The following NFATC1 variants were observed in gnomAD, a reference collection of about 807,000 sequenced individuals.
NFATC1 encodes nuclear factor of activated T-cells, cytoplasmic 1.
A neutral mutation model predicts 76.0 loss-of-function variants in NFATC1; 22 were observed. The ratio of observed to expected loss-of-function variants is 0.29; its 90% CI spans 0.21 to 0.41. NFATC1 has a LOEUF of 0.41. NFATC1 is among the 10% of genes least tolerant of loss of function. The pLI, the probability that NFATC1 is intolerant of heterozygous loss-of-function variation, is 1.00. For synonymous variants in NFATC1, 704 were observed against 613.1 expected (o/e 1.15, Z -2.19); for missense variants, 1,357 against 1,337.7 (o/e 1.01, Z -0.23).
intron 6 of NFATC1, among the ~76,000 whole-genome samples, chr18:79,455,665 C>T (rs1311440897): frequency 6.6e-6 from 1 of 152,170 alleles, no homozygotes; most frequent in Non-Finnish European, 1.5e-5. Flanking sequence ...CCCAGCACAT[C>T]CAGAGCCCTC....
intron 9 of NFATC1, among the ~76,000 whole-genome samples, chr18:79,493,123 A>G (rs1359300316): frequency 6.6e-6 from 1 of 152,178 alleles, no homozygotes; most frequent in Non-Finnish European, 1.5e-5. Flanking sequence ...ATTATTTTAA[A>G]TGTAGATTTG....
At chr18:79,452,520 C>T (rs2087518999) in intron 6 of NFATC1, among the ~76,000 whole-genome samples, 1 of 152,206 alleles carries the variant, frequency 6.6e-6, no homozygotes. Context: ...GAGTGGCTCC[C>T]AGCCCAGGTC....
intron 3 of NFATC1, chr18:79,448,549 T>C (rs765946794): frequency 3.5e-6 from 2 of 571,194 alleles, no homozygotes; most frequent in Non-Finnish European, 6.2e-6. Context: ...TGTGGATGCA[T>C]ACGTGCAAGG....
chr18:79,406,332 G>C (rs911370951), intron 1 of NFATC1, among the ~76,000 whole-genome samples: 1 of 152,224 alleles, frequency 6.6e-6, no homozygotes, highest in African/African-American at 2.4e-5. Context: ...GGTCTGGACA[G>C]TGAGGGGAAG....
intron 8 of NFATC1, among the ~76,000 whole-genome samples, chr18:79,482,519 A>C (rs542084603): frequency 4.7e-5 from 6 of 128,642 alleles, no homozygotes; most frequent in Admixed American, 4.2e-4. Context: ...TTCCAGCGTG[A>C]CCTGGTCCTG....
intron 9 of NFATC1, among the ~76,000 whole-genome samples, chr18:79,519,424 C>A (rs2090460410): frequency 6.6e-6 from 1 of 152,162 alleles, no homozygotes; most frequent in African/African-American, 2.4e-5. Context: ...CCTCAACCTC[C>A]TGGGCTCAAG....
At chr18:79,480,891 G>A (rs896614889) in intron 8 of NFATC1, among the ~76,000 whole-genome samples, 3 of 152,236 alleles carry the variant, frequency 2.0e-5, no homozygotes, top group Non-Finnish European at 4.4e-5. Flanking sequence ...CCCGAGCAGC[G>A]GAGAGAGGAT....
chr18:79,490,107 C>A (rs391628), intron 9 of NFATC1, among the ~76,000 whole-genome samples: 45 of 152,192 alleles, frequency 3.0e-4, no homozygotes, highest in African/African-American at 9.6e-4. Flanking sequence ...CCCCCGCCCC[C>A]CCGTGGGCAG....
intron 1 of NFATC1, among the ~76,000 whole-genome samples, chr18:79,400,013 C>A (rs1053856318): frequency 6.6e-6 from 1 of 152,032 alleles, no homozygotes; most frequent in African/African-American, 2.4e-5. Flanking sequence ...CTGGGCGCAG[C>A]CTTAGGTACC....
At chr18:79,506,016 G>T (rs930026127) in intron 9 of NFATC1, among the ~76,000 whole-genome samples, 1 of 152,192 alleles carries the variant, frequency 6.6e-6, no homozygotes, top group African/African-American at 2.4e-5. Flanking sequence ...ACTGAATTTT[G>T]TGCCCTTCTC....
At chr18:79,449,598 G>C (rs2087370826) in intron 4 of NFATC1, among the ~76,000 whole-genome samples, 2 of 152,226 alleles carry the variant, frequency 1.3e-5, no homozygotes, top group Admixed American at 1.3e-4. Flanking sequence ...ACCGAAAACA[G>C]ACACATCTGT....
chr18:79,437,730 G>T (rs1378696021), intron 3 of NFATC1, among the ~76,000 whole-genome samples: 2 of 152,202 alleles, frequency 1.3e-5, no homozygotes, highest in East Asian at 1.9e-4. Context: ...GAGGGGGAGG[G>T]TCTCTCTGTA....
intron 2 of NFATC1, among the ~76,000 whole-genome samples, chr18:79,427,927 TGGTGGC>T (rs2086451019): frequency 6.4e-5 from 2 of 31,430 alleles, no homozygotes; most frequent in African/African-American, 2.8e-4. Flanking sequence ...GGCCTCTGTG[TGGTGGC>T]AGGGCTGGAC....
At chr18:79,487,974 C>T (rs1235113100) in intron 9 of NFATC1, among the ~76,000 whole-genome samples, 9 of 152,166 alleles carry the variant, frequency 5.9e-5, no homozygotes, top group Admixed American at 5.2e-4. Flanking sequence ...GCCCGGGTTC[C>T]AGCAGACACA....
chr18:79,516,285 T>C (rs910333044), intron 9 of NFATC1, among the ~76,000 whole-genome samples: 8 of 152,086 alleles, frequency 5.3e-5, no homozygotes, highest in African/African-American at 1.9e-4. Flanking sequence ...CTTCCAAAAA[T>C]AGCAGGCCCT....
Position 79,473,551 on chromosome 18 carries a change from CCT to C in NFATC1, c.2092+5970_2092+5971del, listed in dbSNP as rs1454193095. Among the ~76,000 whole-genome samples the C allele has an allele frequency of 5.6e-5, 8 of 142,974 alleles. No homozygotes were observed. The South Asian group carries it at 9.0e-4, about 16-fold the overall frequency. The allele number at this position is 142,974 out of a possible 152,430, so 93.8% of individuals were successfully genotyped here. A position where few individuals can be genotyped will look rare whatever the true frequency, so the allele number is the denominator to read the frequency against. ...TTCTCGCGCTCACTGTCGACGTAAA[CCT>C]GAGGGAAGCGTGTTCTCGCGCTCAC... On this transcript the variant is annotated intron_variant, in intron 8 of 9. Coordinates refer to ENST00000427363, the MANE Select transcript of NFATC1 (RefSeq NM_001278669.2).
chr18:79,444,954 G>A (rs1016976148), intron 3 of NFATC1, among the ~76,000 whole-genome samples: 9 of 152,190 alleles, frequency 5.9e-5, no homozygotes, highest in Non-Finnish European at 1.0e-4. Context: ...CCGAAGCCCC[G>A]GCAAGCACAG....
At chr18:79,509,068 A>G (rs2090184250) in intron 9 of NFATC1, among the ~76,000 whole-genome samples, 1 of 152,208 alleles carries the variant, frequency 6.6e-6, no homozygotes, top group Non-Finnish European at 1.5e-5. Context: ...GCGGAGAACT[A>G]GAGCATTGGA....
chr18:79,522,006 C>T (rs1266180153), intron 9 of NFATC1, among the ~76,000 whole-genome samples: 3 of 64,184 alleles, frequency 4.7e-5, no homozygotes, highest in Admixed American at 2.6e-4. Flanking sequence ...TGTGTCTGTG[C>T]ATGTGTGGGG....
Sources: allele counts gnomAD v4.1 joint callset (sites outside exome capture counted in the v4.1 genomes callset), GRCh38; gene constraint gnomAD v4.1.1; transcripts MANE v1.5; gene names NCBI Gene and HGNC (gene_info 2026-07-23, HGNC 2026-07-21).